RASSF3: variants seen among roughly 807,000 people sequenced by gnomAD.
RASSF3 encodes Ras association domain family member 3.
A neutral mutation model predicts 19.9 loss-of-function variants in RASSF3; 19 were observed. That is an observed-to-expected ratio of 0.96 (90% CI 0.67 to 1.40). The LOEUF (loss-of-function observed/expected upper bound fraction) is 1.40, where lower values mean the gene tolerates loss of function less well. Among genes scored for constraint, RASSF3 ranks in the 40% most tolerant of loss-of-function variants. The pLI is 0.00. For synonymous variants in RASSF3, 110 were observed against 104.2 expected, an observed-to-expected ratio of 1.06 and a Z score of -0.34; for missense variants, 306 against 289.8, an observed-to-expected ratio of 1.06 and a Z score of -0.41.
chr12:64,507,539 A>G (rs920584637), intron 1 of RASSF3: 1 of 362,030 alleles, frequency 2.8e-6, no homozygotes, highest in Non-Finnish European at 4.9e-6. Context: ...AGAAGCCATG[A>G]ACATTGTTAC....
chr12:64,659,959 TG>T (rs1872286436), intron 1 of RASSF3, among the ~76,000 whole-genome samples: 1 of 128,606 alleles, frequency 7.8e-6, no homozygotes, highest in Non-Finnish European at 1.8e-5. Context: ...TACGTGTGTG[TG>T]TGTGTGTGTG....
At chr12:64,665,195 A>G (rs35884286) in intron 1 of RASSF3, among the ~76,000 whole-genome samples, 2,562 of 152,230 alleles carry the variant, frequency 0.017, 28 homozygotes, top group Non-Finnish European at 0.027. Flanking sequence ...CTCGCAACCA[A>G]TTGTTTAAAA....
chr12:64,657,209 G>A (rs1465074306), intron 1 of RASSF3, among the ~76,000 whole-genome samples: 2 of 151,844 alleles, frequency 1.3e-5, no homozygotes, highest in Non-Finnish European at 2.9e-5. Flanking sequence ...TTGGGGTTTC[G>A]CCACGTGGGC....
At chr12:64,518,074 C>T (rs12229321) in intron 1 of RASSF3, among the ~76,000 whole-genome samples, 73,757 of 151,636 alleles carry the variant, frequency 0.49, 18,772 homozygotes, top group East Asian at 0.66. Flanking sequence ...TCTAGGCAAT[C>T]GTAACTCAAT....
At chr12:64,655,349 A>G (rs1459688779) in intron 1 of RASSF3, among the ~76,000 whole-genome samples, 1 of 152,236 alleles carries the variant, frequency 6.6e-6, no homozygotes, top group East Asian at 1.9e-4. Flanking sequence ...TTTCTTTGAT[A>G]AGAGAGAGGC....
At chr12:64,604,300 A>G (rs1356210049) in intron 2 of RASSF3, among the ~76,000 whole-genome samples, 4 of 151,414 alleles carry the variant, frequency 2.6e-5, no homozygotes, top group African/African-American at 9.7e-5. Flanking sequence ...TAATTTTTGT[A>G]TCTTTTGTAG....
At chr12:64,603,555 C>G (rs1461271217) in intron 2 of RASSF3, among the ~76,000 whole-genome samples, 1 of 152,172 alleles carries the variant, frequency 6.6e-6, no homozygotes, top group African/African-American at 2.4e-5. Flanking sequence ...ACCGGGGTTA[C>G]CTCCAGGCTC....
At chr12:64,693,713 A>T (rs1488151764) in intron 4 of RASSF3, among the ~76,000 whole-genome samples, 1 of 152,200 alleles carries the variant, frequency 6.6e-6, no homozygotes, top group Non-Finnish European at 1.5e-5. Flanking sequence ...GATTATAGGC[A>T]TGAGCCACAA....
intron 2 of RASSF3, among the ~76,000 whole-genome samples, chr12:64,589,039 C>G (rs1257125150): frequency 6.6e-6 from 1 of 152,210 alleles, no homozygotes; most frequent in African/African-American, 2.4e-5. Context: ...GAAGGAAACA[C>G]TGCCTTTTGA....
intron 2 of RASSF3, among the ~76,000 whole-genome samples, chr12:64,572,682 G>T (rs138611389): frequency 7.7e-4 from 117 of 152,222 alleles, no homozygotes; most frequent in African/African-American, 2.6e-3. Flanking sequence ...GTGAATAAAT[G>T]TACGAACGAA....
intron 2 of RASSF3, among the ~76,000 whole-genome samples, chr12:64,575,023 C>T (rs1869573368): frequency 6.6e-6 from 1 of 152,178 alleles, no homozygotes; most frequent in African/African-American, 2.4e-5. Context: ...CCTGCTACCA[C>T]TTCTATTTGA....
At chr12:64,547,331 G>T (rs1869082909) in intron 2 of RASSF3, among the ~76,000 whole-genome samples, 1 of 150,814 alleles carries the variant, frequency 6.6e-6, no homozygotes, top group East Asian at 1.9e-4. Context: ...ACTTTGGGAG[G>T]CTGAGGCAGG....
chr12:64,560,446 T>C (rs1869328583), intron 2 of RASSF3, among the ~76,000 whole-genome samples: 1 of 152,314 alleles, frequency 6.6e-6, no homozygotes, highest in African/African-American at 2.4e-5. Flanking sequence ...CTGCTCTCCC[T>C]GTAGCTATCA....
rs1339462598 is a variant in RASSF3 at position 64,600,021 on chromosome 12, G to C, written c.294+58316G>C. Among the ~76,000 whole-genome samples, 4 of 112,432 alleles carry C rather than the reference G, an allele frequency of 3.6e-5. No homozygotes were observed. In the Admixed American group the frequency reaches 3.6e-4, roughly 10 times the overall value. 73.8% of individuals were successfully genotyped at this position (112,432 alleles called of 152,430 possible). A position where few individuals can be genotyped will look rare whatever the true frequency, so the allele number is the denominator to read the frequency against. On this transcript the variant is annotated intron_variant, in intron 2 of 5. Coordinates refer to the RASSF3 transcript ENST00000637125. Reference sequence around the variant, plus strand: ...CACCCCAGCCTGGGCGAGAGAGAGAGAGACTCCATCTCAAAAAAAAAAAAA... The same window carrying C: ...CACCCCAGCCTGGGCGAGAGAGAGACAGACTCCATCTCAAAAAAAAAAAAA...
At chr12:64,685,248 T>C (rs950196112) in intron 2 of RASSF3, among the ~76,000 whole-genome samples, 4 of 152,162 alleles carry the variant, frequency 2.6e-5, no homozygotes, top group Non-Finnish European at 4.4e-5. Context: ...TAAGGTTTTT[T>C]GTTTTGTTTT....
At chr12:64,564,809 C>T (rs1296676857) in intron 2 of RASSF3, among the ~76,000 whole-genome samples, 1 of 146,934 alleles carries the variant, frequency 6.8e-6, no homozygotes, top group African/African-American at 2.5e-5. Flanking sequence ...GAGAGGGAGT[C>T]TCGCTCTGTT....
intron 2 of RASSF3, among the ~76,000 whole-genome samples, chr12:64,565,547 T>C (rs1869415247): frequency 6.6e-6 from 1 of 152,038 alleles, no homozygotes; most frequent in South Asian, 2.1e-4. Context: ...ACCCCGTCTC[T>C]ACTAAAAATA....
chr12:64,620,211 G>C (rs1870704573), intron 1 of RASSF3, among the ~76,000 whole-genome samples: 1 of 151,908 alleles, frequency 6.6e-6, no homozygotes, highest in Admixed American at 6.6e-5. Context: ...TTTTGTAACT[G>C]GCTTAGTTTA....
At chr12:64,601,990 G>A (rs1870100201) in intron 2 of RASSF3, among the ~76,000 whole-genome samples, 1 of 151,620 alleles carries the variant, frequency 6.6e-6, no homozygotes, top group African/African-American at 2.4e-5. Context: ...GGTGGCGGGC[G>A]CCTGTGGTCC....
Sources: gnomAD v4.1 joint callset for allele counts (sites outside exome capture counted in the v4.1 genomes callset) on GRCh38, gnomAD v4.1.1 for gene constraint, MANE v1.5 for transcripts, NCBI Gene and HGNC (gene_info 2026-07-23, HGNC 2026-07-21) for gene names.